The following PRKAG2 variants were observed in gnomAD, a reference collection of about 807,000 sequenced individuals.
PRKAG2 encodes protein kinase AMP-activated non-catalytic subunit gamma 2.
PRKAG2 carries 26 observed loss-of-function variants against 69.6 expected under a neutral mutation model. That is an observed-to-expected ratio of 0.37 (90% CI 0.27 to 0.52). The LOEUF (loss-of-function observed/expected upper bound fraction) is 0.52, where lower values mean the gene tolerates loss of function less well. Ranked by LOEUF, PRKAG2 falls within the 20% of genes least tolerant of loss-of-function variation. The pLI, the probability that PRKAG2 is intolerant of heterozygous loss-of-function variation, is 0.90. For synonymous variants in PRKAG2, 293 were observed against 285.0 expected (o/e 1.03, Z -0.28); for missense variants, 557 against 740.0 (o/e 0.75, Z 2.87).
chr7:151,750,416 G>T (rs1234252300), intron 3 of PRKAG2, among the ~76,000 whole-genome samples: 1 of 152,168 alleles, frequency 6.6e-6, no homozygotes, highest in African/African-American at 2.4e-5. Context: ...TATTATTCAG[G>T]CATAAAAAGG....
At chr7:151,580,192 C>A (rs1424320579) in intron 6 of PRKAG2, among the ~76,000 whole-genome samples, 1 of 152,008 alleles carries the variant, frequency 6.6e-6, no homozygotes, top group East Asian at 1.9e-4. Flanking sequence ...ACCAAAAATA[C>A]AAAAATTAGT....
intron 13 of PRKAG2, among the ~76,000 whole-genome samples, chr7:151,564,698 A>G (rs1053616688): frequency 6.6e-6 from 1 of 151,954 alleles, no homozygotes; most frequent in African/African-American, 2.4e-5. Context: ...AAGCAACCAG[A>G]GGAAGAACAG....
At chr7:151,611,050 C>T (rs184302975) in intron 5 of PRKAG2, among the ~76,000 whole-genome samples, 29 of 152,270 alleles carry the variant, frequency 1.9e-4, no homozygotes, top group Non-Finnish European at 3.7e-4. Flanking sequence ...CCACCACACC[C>T]AGCCAATATT....
intron 1 of PRKAG2, among the ~76,000 whole-genome samples, chr7:151,815,741 G>C (rs1384729464): frequency 6.6e-6 from 1 of 152,168 alleles, no homozygotes; most frequent in Non-Finnish European, 1.5e-5. Context: ...CAGGTGCCCT[G>C]AAAACAGGCT....
chr7:151,659,582 G>C (rs1830005658), intron 4 of PRKAG2, among the ~76,000 whole-genome samples: 1 of 152,200 alleles, frequency 6.6e-6, no homozygotes, highest in Admixed American at 6.5e-5. Flanking sequence ...TGAAACTAAT[G>C]TGTAGACTAA....
intron 1 of PRKAG2, among the ~76,000 whole-genome samples, chr7:151,817,819 A>G (rs1333068931): frequency 3.9e-5 from 6 of 152,252 alleles, no homozygotes; most frequent in African/African-American, 1.4e-4. Context: ...CTGCAAATCC[A>G]GGATTCGATC....
chr7:151,787,507 TCCAGGTGGTAGTGTGTG>T (rs2077071608), intron 1 of PRKAG2, among the ~76,000 whole-genome samples: 1 of 152,206 alleles, frequency 6.6e-6, no homozygotes, highest in African/African-American at 2.4e-5. Flanking sequence ...TCAAGGCTCC[TCCAGGTGGTAGTGTGTG>T]CCACAGTTCC....
At chr7:151,738,384 G>A (rs1206089523) in intron 3 of PRKAG2, among the ~76,000 whole-genome samples, 1 of 152,260 alleles carries the variant, frequency 6.6e-6, no homozygotes, top group Admixed American at 6.5e-5. Context: ...CACTGCCATG[G>A]GGCCTCTGTT....
chr7:151,844,410 A>G (rs572722017), intron 1 of PRKAG2, among the ~76,000 whole-genome samples: 56 of 152,280 alleles, frequency 3.7e-4, no homozygotes, highest in African/African-American at 1.3e-3. Flanking sequence ...GACCCATCAC[A>G]TGAAGGGGCT....
intron 15 of PRKAG2, 175 bp downstream of exon 15, chr7:151,560,349 C>A (rs143169004): frequency 6.6e-7 from 1 of 1,521,948 alleles, no homozygotes; most frequent in Non-Finnish European, 8.8e-7. Context: ...TCCTCACTCA[C>A]GCAGAACACT....
chr7:151,636,246 G>A (rs1316000272), intron 4 of PRKAG2, among the ~76,000 whole-genome samples: 3 of 152,088 alleles, frequency 2.0e-5, no homozygotes, highest in Non-Finnish European at 2.9e-5. Flanking sequence ...TCAGAATTGT[G>A]CAACTATCTA....
At chr7:151,613,834 C>T (rs1171954320) in intron 5 of PRKAG2, among the ~76,000 whole-genome samples, 6 of 140,812 alleles carry the variant, frequency 4.3e-5, no homozygotes, top group Admixed American at 2.2e-4. Context: ...GATGGAGTCT[C>T]GCTCTGTTGC....
intron 1 of PRKAG2, among the ~76,000 whole-genome samples, chr7:151,816,150 A>T (rs2078633135): frequency 6.6e-6 from 1 of 152,090 alleles, no homozygotes; most frequent in Admixed American, 6.5e-5. Flanking sequence ...TAGGGGTTGG[A>T]AGTCCGTGGC....
chr7:151,836,757 T>C lies in PRKAG2; in HGVS notation c.114+39750A>G, dbSNP rs923692462. ...GTGAGGTAGGACCTAGCCCCTCGGG[T>C]CCCCTGCCCTCTCCTCCTGGCAGGT... On this transcript the variant is annotated intron_variant, in intron 1 of 15. Transcript: ENST00000287878. This position sits in a 1 kb window ranked among gnomAD's most constrained non-coding sequence, Gnocchi z 4.1. 9.9e-5 allele frequency among the ~76,000 whole-genome samples: 15 copies of C among 152,104 alleles called. No individual in the cohort carries two copies. The highest frequency in any genetic ancestry group is 3.4e-4 in the African/African-American group (14 of 41,436).
chr7:151,831,737 C>T (rs931231184), intron 1 of PRKAG2, among the ~76,000 whole-genome samples: 1 of 152,054 alleles, frequency 6.6e-6, no homozygotes, highest in East Asian at 1.9e-4. Flanking sequence ...CTGGCCTCGC[C>T]CCCTGGAGGG....
chr7:151,595,532 T>A, intron 5 of PRKAG2, 78 bp from the exon 6 acceptor site: 1 of 977,406 alleles, frequency 1.0e-6, no homozygotes, highest in Non-Finnish European at 1.6e-6. Context: ...CGTAAACCTA[T>A]CACTAACAGA....
At chr7:151,646,095 A>G (rs1167753731) in intron 4 of PRKAG2, among the ~76,000 whole-genome samples, 2 of 152,320 alleles carry the variant, frequency 1.3e-5, no homozygotes, top group South Asian at 2.1e-4. Context: ...TGTTTTGATT[A>G]CTGTAGCTCT....
rs28564603 is a variant in PRKAG2, at chr7:151,704,222, T to C, written c.467-28585A>G. Among the ~76,000 whole-genome samples, 336 of 152,322 alleles carry C rather than the reference T, an allele frequency of 2.2e-3. 2 individuals are homozygous for C. The highest frequency in any genetic ancestry group is 7.9e-3 in the African/African-American group (327 of 41,560). ...GTTACAAACAATCCAATTACACTTT[T>C]TAAGTTATTTTAAAATATACAATTA... On this transcript the variant is annotated intron_variant, in intron 3 of 15. Coordinates refer to ENST00000287878, the MANE Select transcript of PRKAG2 (RefSeq NM_016203.4).
At chr7:151,743,668 G>T (rs1164628335) in intron 3 of PRKAG2, among the ~76,000 whole-genome samples, 2 of 152,200 alleles carry the variant, frequency 1.3e-5, no homozygotes, top group Non-Finnish European at 2.9e-5. Context: ...AGAAAGAAAA[G>T]GAGCGATTAC....
Sources: gnomAD v4.1 joint callset for allele counts (sites outside exome capture counted in the v4.1 genomes callset) on GRCh38, gnomAD v4.1.1 for gene constraint, Gnocchi (gnomAD v3.1) non-coding constraint, MANE v1.5 for transcripts, NCBI Gene and HGNC (gene_info 2026-07-23, HGNC 2026-07-21) for gene names.